The following SLC24A3 variants were observed in gnomAD, a reference collection of about 807,000 sequenced individuals.
SLC24A3 encodes sodium/potassium/calcium exchanger 3.
SLC24A3 carries 28 observed loss-of-function variants against 75.8 expected under a neutral mutation model. That is an observed-to-expected ratio of 0.37 (90% CI 0.27 to 0.51). The LOEUF is 0.51. Among genes scored for constraint, SLC24A3 ranks in the 20% least tolerant of loss-of-function variants. The pLI, the probability that SLC24A3 is intolerant of heterozygous loss-of-function variation, is 0.94. For missense variants in SLC24A3, 663 were observed against 847.8 expected, an observed-to-expected ratio of 0.78 and a Z score of 2.71; for synonymous variants, 372 against 334.1, an observed-to-expected ratio of 1.11 and a Z score of -1.24.
At chr20:19,318,361 C>A (rs560037279) in intron 2 of SLC24A3, among the ~76,000 whole-genome samples, 1 of 152,258 alleles carries the variant, frequency 6.6e-6, no homozygotes, top group Non-Finnish European at 1.5e-5. Context: ...CGATGGTAGA[C>A]CTAGGGAAGA....
chr20:19,655,666 G>A (rs2032257714), intron 7 of SLC24A3, among the ~76,000 whole-genome samples: 1 of 152,218 alleles, frequency 6.6e-6, no homozygotes, highest in African/African-American at 2.4e-5. Flanking sequence ...CAAAAAGGCA[G>A]AAGGGTGAAT....
intron 2 of SLC24A3, among the ~76,000 whole-genome samples, chr20:19,432,466 T>G (rs1282240470): frequency 6.6e-6 from 1 of 152,140 alleles, no homozygotes; most frequent in Non-Finnish European, 1.5e-5. Context: ...TCTCTCATTG[T>G]TCACAATAAT....
At chr20:19,347,372 C>A (rs1284096336) in intron 2 of SLC24A3, among the ~76,000 whole-genome samples, 1 of 152,146 alleles carries the variant, frequency 6.6e-6, no homozygotes, top group African/African-American at 2.4e-5. Flanking sequence ...GTTAGCCATG[C>A]ACCTCAGTTA....
intron 2 of SLC24A3, among the ~76,000 whole-genome samples, chr20:19,491,550 CT>C (rs1988209064): frequency 6.6e-6 from 1 of 152,118 alleles, no homozygotes; most frequent in African/African-American, 2.4e-5. Context: ...CCTTTCCAGG[CT>C]CTGTCACCCC....
chr20:19,264,273 A>G (rs1983091617), intron 1 of SLC24A3: 1 of 152,228 alleles, frequency 6.6e-6, no homozygotes, highest in African/African-American at 2.4e-5. Flanking sequence ...CAGGGCTGAC[A>G]TCACTTGGTG....
At chr20:19,263,456 G>A (rs1330722704) in intron 1 of SLC24A3, among the ~76,000 whole-genome samples, 1 of 152,200 alleles carries the variant, frequency 6.6e-6, no homozygotes, top group Non-Finnish European at 1.5e-5. Context: ...GATTATTTAG[G>A]CAAATGCCTA....
intron 2 of SLC24A3, among the ~76,000 whole-genome samples, chr20:19,325,966 C>A (rs750303624): frequency 1.3e-5 from 2 of 151,610 alleles, no homozygotes; most frequent in African/African-American, 4.9e-5. Context: ...CACGAAACAA[C>A]GTTTTGACTG....
chr20:19,349,819 T>C (rs952463790), intron 2 of SLC24A3, among the ~76,000 whole-genome samples: 1 of 152,210 alleles, frequency 6.6e-6, no homozygotes, highest in Admixed American at 6.5e-5. Context: ...GACTCCCAAG[T>C]AATCTTCCTT....
chr20:19,248,626 A>T (rs1019030503), intron 1 of SLC24A3, among the ~76,000 whole-genome samples: 2 of 152,150 alleles, frequency 1.3e-5, no homozygotes, highest in African/African-American at 4.8e-5. Flanking sequence ...TTACTATATG[A>T]TCCAGCAGCT....
intron 6 of SLC24A3, among the ~76,000 whole-genome samples, chr20:19,595,106 A>G (rs2031434407): frequency 6.6e-6 from 1 of 152,170 alleles, no homozygotes; most frequent in Non-Finnish European, 1.5e-5. Flanking sequence ...TTCACAAGCT[A>G]GAGTAAGAAA....
At chr20:19,382,139 C>T (rs1038601823) in intron 2 of SLC24A3, among the ~76,000 whole-genome samples, 12 of 152,218 alleles carry the variant, frequency 7.9e-5, no homozygotes, top group African/African-American at 2.9e-4. Flanking sequence ...TCTTGATAAA[C>T]ATGTCACCAA....
intron 2 of SLC24A3, among the ~76,000 whole-genome samples, chr20:19,395,139 C>T (rs1418035762): frequency 2.6e-5 from 4 of 152,026 alleles, no homozygotes; most frequent in Admixed American, 2.0e-4. Flanking sequence ...AGGTACAGGC[C>T]GACTCACAGA....
intron 2 of SLC24A3, among the ~76,000 whole-genome samples, chr20:19,283,648 G>C (rs538084836): frequency 2.0e-5 from 3 of 152,150 alleles, no homozygotes; most frequent in African/African-American, 7.2e-5. Flanking sequence ...TCTCTACCCC[G>C]GGTCTTAGAG....
chr20:19,680,456 G>T lies in SLC24A3; in HGVS notation c.768-1402G>T, dbSNP rs895293884. ...TAGTGTTGGCAGCCGTCAGCATTCA[G>T]GTTCCATCACCAGGAGGCATGGTGA... On this transcript the variant is annotated intron_variant, in intron 9 of 16. Coordinates refer to ENST00000328041, the MANE Select transcript of SLC24A3 (RefSeq NM_020689.4). Among the ~76,000 whole-genome samples the T allele has an allele frequency of 7.9e-5, 12 of 152,044 alleles. No homozygotes were observed. In the South Asian group the frequency reaches 8.3e-4, roughly 11 times the overall value.
intron 2 of SLC24A3, among the ~76,000 whole-genome samples, chr20:19,338,964 A>G (rs759513144): frequency 1.3e-5 from 2 of 152,180 alleles, no homozygotes; most frequent in Non-Finnish European, 2.9e-5. Flanking sequence ...TAGCACATCC[A>G]TGGGTTGTCA....
Position 19,556,525 on chromosome 20 carries a change from G to A in SLC24A3, c.349-23475G>A, listed in dbSNP as rs78853499. ...AATAATTATGCTGAATTGAGAAAAA[G>A]ATGTTGTTTTTAGCTAGAGTGTAAA... On this transcript the variant is annotated intron_variant, in intron 3 of 16. Coordinates refer to ENST00000328041, the MANE Select transcript of SLC24A3 (RefSeq NM_020689.4). 1.3e-3 allele frequency among the ~76,000 whole-genome samples: 187 copies of A among 145,960 alleles called. 3 individuals carry two copies. The East Asian group carries it at 0.028, about 22-fold the overall frequency.
chr20:19,643,753 C>T (rs2032101996), intron 6 of SLC24A3, among the ~76,000 whole-genome samples: 1 of 152,216 alleles, frequency 6.6e-6, no homozygotes, highest in Admixed American at 6.5e-5. Flanking sequence ...TTTGTCAGCA[C>T]TTCAAATGTA....
At chr20:19,545,171 T>C (rs1276714538) in intron 3 of SLC24A3, among the ~76,000 whole-genome samples, 1 of 152,196 alleles carries the variant, frequency 6.6e-6, no homozygotes, top group Non-Finnish European at 1.5e-5. Flanking sequence ...ATGAAGCGGC[T>C]CTTAACTCAA....
intron 2 of SLC24A3, among the ~76,000 whole-genome samples, chr20:19,409,771 A>G (rs905543727): frequency 6.6e-6 from 1 of 152,088 alleles, no homozygotes; most frequent in Non-Finnish European, 1.5e-5. Context: ...CTAAAATTAT[A>G]CATAAAAAAC....
Sources: allele counts gnomAD v4.1 joint callset (sites outside exome capture counted in the v4.1 genomes callset), GRCh38; gene constraint gnomAD v4.1.1; transcripts MANE v1.5; gene names NCBI Gene and HGNC (gene_info 2026-07-23, HGNC 2026-07-21).